The following ZC3H11A variants were observed in gnomAD, a reference collection of about 807,000 sequenced individuals.
ZC3H11A encodes zinc finger CCCH domain-containing protein 11A.
In ZC3H11A, 22 loss-of-function variants were observed where a neutral mutation model predicts 90.8. The ratio of observed to expected loss-of-function variants is 0.24; its 90% CI spans 0.17 to 0.35. ZC3H11A has a LOEUF of 0.35. ZC3H11A is among the 10% of genes least tolerant of loss of function. The probability of loss-of-function intolerance (pLI) is 1.00; values close to 1 mark genes in which losing one functional copy is unlikely to be tolerated. For synonymous variants in ZC3H11A, 294 were observed against 339.8 expected (o/e 0.87, Z 1.48); for missense variants, 701 against 964.9 (o/e 0.73, Z 3.62).
At chr1:203,799,539 A>G in intron 1 of ZC3H11A, 2 of 703,036 alleles carry the variant, frequency 2.8e-6, no homozygotes, top group South Asian at 3.0e-5. Context: ...TGGTAGAGCC[A>G]GTGGAGTTGT....
chr1:203,847,467 A>G lies in ZC3H11A; in HGVS notation c.1326A>G (p.Lys442=), dbSNP rs1688200802. 3 of 1,613,994 alleles carry G rather than the reference A, an allele frequency of 1.9e-6. No homozygotes were observed. The Admixed American group carries it at 5.0e-5, about 27-fold the overall frequency. Residue 442 remains lysine (K), a synonymous_variant, in exon 13 of 18, where the codon AAA becomes AAG. Coordinates refer to ENST00000367210, the MANE Select transcript of ZC3H11A (RefSeq NM_001376342.1). ...IKLKIDSEIK[K]TVVLPPIVAS... ...TAAAGATTGATAGTGAAATTAAAAA[A>G]ACAGTAGTTTTGCCACCCATTGTTG...
chr1:203,817,529 A>T (rs1324840391), intron 3 of ZC3H11A, among the ~76,000 whole-genome samples: 3 of 145,288 alleles, frequency 2.1e-5, no homozygotes, highest in Admixed American at 6.9e-5. Context: ...GTTGAATTTG[A>T]CTTCTTTCTT....
intron 1 of ZC3H11A, chr1:203,797,394 C>T: frequency 2.3e-6 from 2 of 862,004 alleles, no homozygotes; most frequent in Non-Finnish European, 3.3e-6. Context: ...AGTTATTGGT[C>T]CAGTGGGAAT....
intron 1 of ZC3H11A, chr1:203,797,848 A>T (rs1669135248): frequency 6.5e-7 from 1 of 1,536,148 alleles, no homozygotes; most frequent in Non-Finnish European, 8.7e-7. Flanking sequence ...GACCCTGAGC[A>T]GGATGAAGAA....
intron 4 of ZC3H11A, among the ~76,000 whole-genome samples, chr1:203,827,722 A>ACACACATCCCACAC (rs1681039478): frequency 1.3e-5 from 2 of 151,976 alleles, no homozygotes; most frequent in Non-Finnish European, 2.9e-5. Context: ...AAGGATACCT[A>ACACACATCCCACAC]ACATCCTTAG....
At chr1:203,838,982 A>T (rs1214841348) in intron 11 of ZC3H11A, among the ~76,000 whole-genome samples, 3 of 151,734 alleles carry the variant, frequency 2.0e-5, no homozygotes, top group Admixed American at 1.3e-4. Context: ...AAAAGAAAGA[A>T]AGAAAGGTTA....
At chr1:203,835,064 A>G (rs576503915) in intron 10 of ZC3H11A, among the ~76,000 whole-genome samples, 1 of 152,348 alleles carries the variant, frequency 6.6e-6, no homozygotes, top group Non-Finnish European at 1.5e-5. Flanking sequence ...AGTTCTCACT[A>G]CCCTATCTTC....
intron 8 of ZC3H11A, among the ~76,000 whole-genome samples, 182 bp from the exon 9 acceptor site, chr1:203,831,479 C>T (rs1558125708): frequency 6.6e-6 from 1 of 152,018 alleles, no homozygotes; most frequent in Admixed American, 6.6e-5. Flanking sequence ...CACATCATGC[C>T]CAAGGCTCCC....
rs59254922 is a variant in ZC3H11A at position 203,815,216 on chromosome 1, C to CTTTTTTTTTTTTTTTT, written c.-145-1709_-145-1694dup. On this transcript the variant is annotated intron_variant, in intron 2 of 17. Coordinates refer to ENST00000367210, the MANE Select transcript of ZC3H11A (RefSeq NM_001376342.1). ...TTCATTATTTTCTTCCTTTTCTTTT[C>CTTTTTTTTTTTTTTTT]TTTTTTTTTTTTTTTTGAGACAGTG... 1.2e-3 allele frequency among the ~76,000 whole-genome samples: 112 copies of CTTTTTTTTTTTTTTTT among 97,132 alleles called. 5 individuals are homozygous for CTTTTTTTTTTTTTTTT. The highest frequency in any genetic ancestry group is 1.3e-3 in the Non-Finnish European group (67 of 51,624). 63.7% of individuals were successfully genotyped at this position (97,132 alleles called of 152,430 possible). A position where few individuals can be genotyped will look rare whatever the true frequency, so the allele number is the denominator to read the frequency against.
At chr1:203,845,033 C>A (rs1687508485) in intron 12 of ZC3H11A, among the ~76,000 whole-genome samples, 1 of 152,020 alleles carries the variant, frequency 6.6e-6, no homozygotes, top group Admixed American at 6.6e-5. Flanking sequence ...TATGTCAGAT[C>A]CCACCGTTGC....
At chr1:203,833,618 GTTTTTTTT>G (rs553171669) in intron 9 of ZC3H11A, among the ~76,000 whole-genome samples, 165 bp from the exon 10 acceptor site, 1 of 124,832 alleles carries the variant, frequency 8.0e-6, no homozygotes, top group Non-Finnish European at 1.7e-5. Flanking sequence ...ATAGGTTTGG[GTTTTTTTT>G]TTTTTTTTTT....
chr1:203,840,442 A>G (rs771507361), intron 12 of ZC3H11A, 68 bp downstream of exon 12: 6 of 1,480,890 alleles, frequency 4.1e-6, no homozygotes, highest in South Asian at 1.2e-5. Flanking sequence ...GCTTTTTCTC[A>G]GATTTACCTG....
In ZC3H11A at chr1:203,845,917, G is replaced by A. The variant is rs576295608; in HGVS notation, c.1043-1267G>A. Reference sequence around the variant, plus strand: ...GTAGCAAGAGAAATGAGAACAGCACGGAATACTCCAAGTAGAGGGAATAGT... The same window carrying A: ...GTAGCAAGAGAAATGAGAACAGCACAGAATACTCCAAGTAGAGGGAATAGT... On this transcript the variant is annotated intron_variant, in intron 12 of 17. Transcript: ENST00000367210. 4.1e-4 allele frequency among the ~76,000 whole-genome samples: 62 copies of A among 151,934 alleles called. No homozygotes were observed. In the South Asian group the frequency reaches 0.012, roughly 30 times the overall value.
chr1:203,796,453 C>CT, intron 1 of ZC3H11A: 1 of 399,042 alleles, frequency 2.5e-6, no homozygotes, highest in Non-Finnish European at 4.4e-6. Flanking sequence ...CCTTGTAGGA[C>CT]TGGTGAAACC....
intron 3 of ZC3H11A, among the ~76,000 whole-genome samples, chr1:203,817,974 C>G (rs1181825354): frequency 6.6e-6 from 1 of 152,008 alleles, no homozygotes; most frequent in Non-Finnish European, 1.5e-5. Flanking sequence ...GTCTTGAACT[C>G]CTGACCTTGT....
intron 1 of ZC3H11A, chr1:203,799,772 A>G: frequency 1.0e-6 from 1 of 991,270 alleles, no homozygotes; most frequent in South Asian, 1.4e-5. Flanking sequence ...TGAAACTTGA[A>G]ACAGATACCC....
chr1:203,800,691 G>C lies in ZC3H11A; in HGVS notation c.-1587-884G>C, dbSNP rs1670294962. Reference sequence around the variant, plus strand: ...TTGAAAATTTTGCTTATACCAATGAGAGAGAAGATATTTTTAATTAAAAAA... The same window carrying C: ...TTGAAAATTTTGCTTATACCAATGACAGAGAAGATATTTTTAATTAAAAAA... On this transcript the variant is annotated intron_variant, in intron 1 of 17. Coordinates refer to ENST00000367210, the MANE Select transcript of ZC3H11A (RefSeq NM_001376342.1). The C allele has an allele frequency of 1.6e-5, 6 of 370,124 alleles. 1 individual carries two copies. Among genetic ancestry groups the C allele is most frequent in the Admixed American group, 1.3e-4 (3 of 22,576 alleles). The allele number at this position is 370,124 out of a possible 1,614,324, so 22.9% of individuals were successfully genotyped here.
intron 2 of ZC3H11A, among the ~76,000 whole-genome samples, chr1:203,811,433 G>A (rs964862439): frequency 2.6e-5 from 4 of 152,110 alleles, no homozygotes; most frequent in South Asian, 2.1e-4. Context: ...TTCTAAAACC[G>A]GTAACAGTTT....
chr1:203,850,085 A>G (rs986362293), intron 15 of ZC3H11A, 59 bp downstream of exon 15: 73 of 1,522,522 alleles, frequency 4.8e-5, no homozygotes, highest in Non-Finnish European at 5.8e-5. Flanking sequence ...ATTCAACCCA[A>G]TTGTTGCCAG....
Sources: allele counts gnomAD v4.1 joint callset (sites outside exome capture counted in the v4.1 genomes callset), GRCh38; gene constraint gnomAD v4.1.1; transcripts MANE v1.5; gene names NCBI Gene and HGNC (gene_info 2026-07-23, HGNC 2026-07-21).